The following SAMD12 variants were observed in gnomAD, a reference collection of about 807,000 sequenced individuals.
SAMD12 encodes sterile alpha motif domain-containing protein 12.
SAMD12 carries 9 observed loss-of-function variants against 15.0 expected under a neutral mutation model. The observed-to-expected ratio is 0.60, with a 90% CI of 0.36 to 1.05. The LOEUF (loss-of-function observed/expected upper bound fraction) is 1.05. Among genes scored for constraint, SAMD12 ranks in the 50% least tolerant of loss-of-function variants. The pLI is 0.01. For synonymous variants in SAMD12, 86 were observed against 90.1 expected (o/e 0.96, Z 0.25); for missense variants, 230 against 234.2 (o/e 0.98, Z 0.12).
chr8:118,347,486 G>A (rs1435584853), intron 4 of SAMD12, among the ~76,000 whole-genome samples: 2 of 152,090 alleles, frequency 1.3e-5, no homozygotes, highest in African/African-American at 4.8e-5. Flanking sequence ...TCTCCACAAT[G>A]GTCTCAAATA....
chr8:118,159,228 A>T, the SAMD12 span, among the ~76,000 whole-genome samples: 1 of 152,064 alleles, frequency 6.6e-6, no homozygotes, highest in Non-Finnish European at 1.5e-5. Context: ...GGTGTCTCCA[A>T]GCTCCTGGGT....
chr8:118,457,222 C>CT lies in SAMD12; in HGVS notation c.193-17262dup, dbSNP rs796704911. Among the ~76,000 whole-genome samples, 963 of 140,714 alleles carry CT rather than the reference C, an allele frequency of 6.8e-3. 6 individuals carry two copies. The highest frequency in any genetic ancestry group is 0.021 in the African/African-American group (745 of 36,228). 92.3% of individuals were successfully genotyped at this position (140,714 alleles called of 152,430 possible). ...ACTGCTACTAACTCTCTCTCTCTCT[C>CT]TTTTTTTTTTTTTTTGTTTGCTTTT... On this transcript the variant is annotated intron_variant, in intron 2 of 3. Coordinates refer to ENST00000314727, the MANE Select transcript of SAMD12 (RefSeq NM_207506.3).
chr8:118,197,898 T>A lies in SAMD12; in HGVS notation c.434-166A>T, dbSNP rs990586150. On this transcript the variant is annotated intron_variant, in intron 4 of 4. Coordinates refer to the SAMD12 transcript ENST00000409003. ...AATGCCAGGATGGATTTACAGTGGC[T>A]TATATTCATGAAATTTTTTTTTCTA... Among the ~76,000 whole-genome samples, 23 of 152,362 alleles carry A rather than the reference T, an allele frequency of 1.5e-4. No individual in the cohort carries two copies. The Middle Eastern group carries it at 0.01, about 68-fold the overall frequency.
At chr8:118,550,662 A>G (rs1348714065) in intron 2 of SAMD12, among the ~76,000 whole-genome samples, 1 of 152,094 alleles carries the variant, frequency 6.6e-6, no homozygotes, top group Non-Finnish European at 1.5e-5. Context: ...TGACAGGTTC[A>G]AATTCACACA....
At chr8:118,497,884 G>T (rs1398868832) in intron 2 of SAMD12, among the ~76,000 whole-genome samples, 1 of 152,072 alleles carries the variant, frequency 6.6e-6, no homozygotes, top group African/African-American at 2.4e-5. Flanking sequence ...AACAAATCTA[G>T]TAAGAAATGC....
chr8:118,551,114 C>G (rs1218572361), intron 2 of SAMD12, among the ~76,000 whole-genome samples: 1 of 152,164 alleles, frequency 6.6e-6, no homozygotes, highest in Admixed American at 6.6e-5. Context: ...TTAGACAGAT[C>G]AACGGGACAG....
intron 2 of SAMD12, among the ~76,000 whole-genome samples, chr8:118,528,686 T>C (rs184620479): frequency 3.7e-4 from 56 of 152,376 alleles, no homozygotes; most frequent in Admixed American, 1.4e-3. Context: ...GTCTGTCTTC[T>C]CATTTCCTCT....
chr8:118,386,220 G>A (rs148762010), intron 3 of SAMD12, among the ~76,000 whole-genome samples: 13 of 152,266 alleles, frequency 8.5e-5, no homozygotes, highest in African/African-American at 2.2e-4. Context: ...TAACATCAAC[G>A]TGTCGGAAGG....
chr8:118,576,047 C>T (rs1236351516), intron 2 of SAMD12, among the ~76,000 whole-genome samples: 1 of 151,910 alleles, frequency 6.6e-6, no homozygotes, highest in Non-Finnish European at 1.5e-5. Flanking sequence ...GGATGAGGAT[C>T]AGACAGAACA....
At chr8:118,575,214 A>G (rs1194375542) in intron 2 of SAMD12, among the ~76,000 whole-genome samples, 2 of 152,180 alleles carry the variant, frequency 1.3e-5, no homozygotes, top group Non-Finnish European at 2.9e-5. Context: ...AACTAAATCT[A>G]ATATTAGCCT....
chr8:118,318,013 T>C (rs904538408), intron 4 of SAMD12, among the ~76,000 whole-genome samples: 1 of 152,038 alleles, frequency 6.6e-6, no homozygotes, highest in African/African-American at 2.4e-5. Flanking sequence ...ACCTTGCTCC[T>C]ATAGGAGTGG....
intron 1 of SAMD12, among the ~76,000 whole-genome samples, chr8:118,607,032 T>C (rs952530496): frequency 1.3e-5 from 2 of 152,082 alleles, no homozygotes; most frequent in Non-Finnish European, 2.9e-5. Flanking sequence ...GCCTAACCTC[T>C]CCAGAATATG....
intron 2 of SAMD12, among the ~76,000 whole-genome samples, chr8:118,548,767 T>C (rs1019375950): frequency 6.6e-6 from 1 of 152,212 alleles, no homozygotes. Context: ...GAGTTCCCTT[T>C]CCTAGTCAAA....
chr8:118,414,169 C>T (rs1821567296), intron 3 of SAMD12, among the ~76,000 whole-genome samples: 1 of 152,172 alleles, frequency 6.6e-6, no homozygotes, highest in South Asian at 2.1e-4. Context: ...TTATATTCCA[C>T]AGAAATCCTC....
At chr8:118,251,403 A>C (rs746061976) in intron 4 of SAMD12, among the ~76,000 whole-genome samples, 3 of 152,092 alleles carry the variant, frequency 2.0e-5, no homozygotes, top group Non-Finnish European at 2.9e-5. Flanking sequence ...GGTTATAAAT[A>C]AGGTGACTAT....
chr8:118,410,612 G>A (rs576881317), intron 3 of SAMD12, among the ~76,000 whole-genome samples: 1 of 152,324 alleles, frequency 6.6e-6, no homozygotes, highest in East Asian at 1.9e-4. Context: ...ACAGTCATGT[G>A]TGAAAGGCCA....
At chr8:118,399,681 C>T (rs1316043780) in intron 3 of SAMD12, among the ~76,000 whole-genome samples, 1 of 152,136 alleles carries the variant, frequency 6.6e-6, no homozygotes, top group East Asian at 1.9e-4. Context: ...CTTTCATTTC[C>T]CTCACAAGTA....
chr8:118,179,510 G>T, the SAMD12 span, among the ~76,000 whole-genome samples: 2 of 151,870 alleles, frequency 1.3e-5, no homozygotes, highest in African/African-American at 2.4e-5. Context: ...GGCCAGGTAC[G>T]AGGGGTAGTA....
chr8:118,201,980 G>A (rs1294169585), intron 4 of SAMD12, among the ~76,000 whole-genome samples: 1 of 152,218 alleles, frequency 6.6e-6, no homozygotes, highest in Non-Finnish European at 1.5e-5. Context: ...GTGGTCAGGA[G>A]CATGGGCTCT....
Sources: allele counts gnomAD v4.1 joint callset (sites outside exome capture counted in the v4.1 genomes callset), GRCh38; gene constraint gnomAD v4.1.1; transcripts MANE v1.5; gene names NCBI Gene and HGNC (gene_info 2026-07-23, HGNC 2026-07-21).